Variants in PDZRN4 observed in about 807,000 individuals in gnomAD.
PDZRN4 encodes PDZ domain-containing RING finger protein 4.
PDZRN4 carries 70 observed loss-of-function variants against 99.0 expected under a neutral mutation model. That is an observed-to-expected ratio of 0.71 (90% confidence interval 0.58 to 0.86). PDZRN4 has a LOEUF of 0.86. Ranked by LOEUF, PDZRN4 falls within the 40% of genes least tolerant of loss-of-function variation. The pLI is 0.00. For synonymous variants in PDZRN4, 551 were observed against 501.6 expected, an observed-to-expected ratio of 1.10 and a Z score of -1.32; for missense variants, 1,474 against 1,331.2, an observed-to-expected ratio of 1.11 and a Z score of -1.67.
At chr12:41,509,368 G>A (rs1410626721) in intron 4 of PDZRN4, among the ~76,000 whole-genome samples, 1 of 152,056 alleles carries the variant, frequency 6.6e-6, no homozygotes, top group Non-Finnish European at 1.5e-5. Context: ...TTTGAAAATG[G>A]TTTTCAAAAA....
At chr12:41,408,813 T>TG (rs1398420568) in intron 3 of PDZRN4, among the ~76,000 whole-genome samples, 1 of 151,498 alleles carries the variant, frequency 6.6e-6, no homozygotes, top group Non-Finnish European at 1.5e-5. Flanking sequence ...CTGTCTCTCT[T>TG]GCGCTCTCTC....
chr12:41,387,475 C>T (rs929959902), intron 3 of PDZRN4, among the ~76,000 whole-genome samples: 2 of 152,116 alleles, frequency 1.3e-5, no homozygotes, highest in African/African-American at 4.8e-5. Flanking sequence ...GTCCCAGCTA[C>T]TTGAGAGGCT....
Position 41,573,874 on chromosome 12 carries a change from C to G in PDZRN4, c.3095C>G (p.Ser1032Trp), listed in dbSNP as rs1592120035. 3 of 1,570,256 alleles carry G rather than the reference C, an allele frequency of 1.9e-6. No homozygotes were observed. The highest frequency in any genetic ancestry group is 2.6e-6 in the Non-Finnish European group (3 of 1,162,256). ...DGTRVHNAFLSVTTV is the reference protein window; with the variant it reads ...DGTRVHNAFLWVTTV ...ACGAGAGTCCATAATGCCTTCTTGTCGGTGACCACTGTATGACCGAATGAA... is the reference window on the plus strand; with the variant it reads ...ACGAGAGTCCATAATGCCTTCTTGTGGGTGACCACTGTATGACCGAATGAA... The change falls in exon 10 of 10, where the codon TCG becomes TGG. Residue 1032 changes from serine to tryptophan, a missense_variant. Ser to Trp is a radical substitution (Grantham distance 177, BLOSUM62 -3). Coordinates refer to ENST00000402685, the MANE Select transcript of PDZRN4 (RefSeq NM_001164595.2).
At chr12:41,320,179 A>G (rs914808736) in intron 3 of PDZRN4, among the ~76,000 whole-genome samples, 1 of 152,136 alleles carries the variant, frequency 6.6e-6, no homozygotes, top group Non-Finnish European at 1.5e-5. Flanking sequence ...GCTGTGTTCC[A>G]GGTAATTGCT....
intron 3 of PDZRN4, among the ~76,000 whole-genome samples, chr12:41,255,408 G>GTTTTGTTTT (rs1231748145): frequency 2.0e-5 from 3 of 151,936 alleles, no homozygotes; most frequent in Admixed American, 6.6e-5. Flanking sequence ...TTAACAGAAA[G>GTTTTGTTTT]TTTTGTTTTT....
intron 3 of PDZRN4, among the ~76,000 whole-genome samples, chr12:41,292,630 A>G (rs1951463761): frequency 6.6e-6 from 1 of 152,140 alleles, no homozygotes; most frequent in African/African-American, 2.4e-5. Context: ...TTAAGTACGC[A>G]TGATATTATC....
intron 3 of PDZRN4, among the ~76,000 whole-genome samples, chr12:41,265,110 A>AG (rs1258912583): frequency 6.6e-6 from 1 of 152,100 alleles, no homozygotes; most frequent in Non-Finnish European, 1.5e-5. Flanking sequence ...TTGTAAAAAA[A>AG]CCTTTTTGTC....
intron 5 of PDZRN4, among the ~76,000 whole-genome samples, chr12:41,518,009 A>G (rs954724967): frequency 6.6e-6 from 1 of 152,126 alleles, no homozygotes; most frequent in Non-Finnish European, 1.5e-5. Context: ...CTTTATTTAC[A>G]TATAATACAT....
At chr12:41,442,211 G>A (rs1952685546) in intron 3 of PDZRN4, among the ~76,000 whole-genome samples, 1 of 151,850 alleles carries the variant, frequency 6.6e-6, no homozygotes, top group Non-Finnish European at 1.5e-5. Context: ...TTTCTCTTAA[G>A]GTAGGCCTCC....
rs575463443 is a variant in PDZRN4 at position 41,535,556 on chromosome 12, G to T, written c.1204-17100G>T. 2.6e-5 allele frequency among the ~76,000 whole-genome samples: 4 copies of T among 152,264 alleles called. No individual in the cohort carries two copies. In the South Asian group the frequency reaches 8.3e-4, roughly 32 times the overall value. On this transcript the variant is annotated intron_variant, in intron 5 of 9. Transcript: ENST00000402685. ...GTATAATAGGCAACTGTTACTGTTT[G>T]AATGTGTCCCCCAAAAAGCATGTGT...
chr12:41,488,446 AAC>A (rs1214538590), intron 3 of PDZRN4, among the ~76,000 whole-genome samples: 1 of 152,210 alleles, frequency 6.6e-6, no homozygotes, highest in African/African-American at 2.4e-5. Flanking sequence ...AATTTATTGA[AAC>A]ACGCTATTTG....
intron 3 of PDZRN4, among the ~76,000 whole-genome samples, chr12:41,441,225 C>G (rs1388874595): frequency 6.6e-6 from 1 of 152,112 alleles, no homozygotes; most frequent in Non-Finnish European, 1.5e-5. Context: ...AGATTCTATT[C>G]TTATTCACTT....
intron 3 of PDZRN4, among the ~76,000 whole-genome samples, chr12:41,388,344 A>G (rs917562794): frequency 1.3e-5 from 2 of 152,016 alleles, no homozygotes; most frequent in East Asian, 3.9e-4. Context: ...AAGTTTACCT[A>G]TGTAACAAAC....
intron 3 of PDZRN4, 74 bp downstream of exon 3, chr12:41,194,262 C>T (rs945376234): frequency 4.0e-6 from 3 of 751,792 alleles, no homozygotes; most frequent in Non-Finnish European, 7.0e-6. Context: ...AAATTTACCA[C>T]TTTACCTTGG....
chr12:41,306,208 G>A (rs1412831252), intron 3 of PDZRN4, among the ~76,000 whole-genome samples: 1 of 152,152 alleles, frequency 6.6e-6, no homozygotes, highest in Non-Finnish European at 1.5e-5. Context: ...CTCAAGCGGT[G>A]GCTCTCTGTG....
intron 3 of PDZRN4, among the ~76,000 whole-genome samples, chr12:41,443,872 T>A (rs947234984): frequency 1.1e-4 from 16 of 152,220 alleles, no homozygotes; most frequent in Non-Finnish European, 1.5e-5. Context: ...ATAGTGAATA[T>A]TCAAAACTAA....
chr12:41,313,576 T>A (rs1951620820), intron 3 of PDZRN4, among the ~76,000 whole-genome samples: 1 of 152,146 alleles, frequency 6.6e-6, no homozygotes, highest in African/African-American at 2.4e-5. Flanking sequence ...CACTTTTCAA[T>A]CTTCACTAAT....
intron 3 of PDZRN4, among the ~76,000 whole-genome samples, chr12:41,270,475 C>A (rs898447220): frequency 6.6e-6 from 1 of 151,934 alleles, no homozygotes; most frequent in African/African-American, 2.4e-5. Context: ...AGTCATAAAA[C>A]GCATAGATGG....
chr12:41,443,551 T>G (rs535006439), intron 3 of PDZRN4, among the ~76,000 whole-genome samples: 3 of 152,194 alleles, frequency 2.0e-5, no homozygotes, highest in African/African-American at 7.2e-5. Flanking sequence ...AATTGTAGAT[T>G]TGGTTATGGT....
Sources: gnomAD v4.1 joint callset for allele counts (sites outside exome capture counted in the v4.1 genomes callset) on GRCh38, gnomAD v4.1.1 for gene constraint, MANE v1.5 for transcripts, NCBI Gene and HGNC (gene_info 2026-07-23, HGNC 2026-07-21) for gene names.